MPHOSPH9: variants seen among roughly 807,000 people sequenced by gnomAD.
MPHOSPH9 encodes M-phase phosphoprotein 9.
In MPHOSPH9, 88 loss-of-function variants were observed where a neutral mutation model predicts 145.5. That is an observed-to-expected ratio of 0.60 (90% CI 0.51 to 0.72). MPHOSPH9 has a LOEUF of 0.72. Ranked by LOEUF, MPHOSPH9 falls within the 30% of genes least tolerant of loss-of-function variation. MPHOSPH9 has a pLI of 0.00. For synonymous variants in MPHOSPH9, 435 were observed against 486.2 expected (o/e 0.89, Z 1.39); for missense variants, 1,238 against 1,386.6 (o/e 0.89, Z 1.70).
intron 8 of MPHOSPH9, 88 bp downstream of exon 8, chr12:123,209,968 C>T (rs1020108742): frequency 1.7e-5 from 13 of 758,126 alleles, no homozygotes; most frequent in African/African-American, 1.6e-4. Flanking sequence ...GATCTCCTGA[C>T]CTCATGATCC....
At chr12:123,225,337 G>A (rs1221638579) in intron 3 of MPHOSPH9, among the ~76,000 whole-genome samples, 1 of 150,948 alleles carries the variant, frequency 6.6e-6, no homozygotes, top group Non-Finnish European at 1.5e-5. Context: ...CCAGCTACTT[G>A]GGAAGCTGAG....
At position 123,166,877 on chromosome 12, in the gene MPHOSPH9, G is replaced by C. The variant is rs187054318; in HGVS notation, c.2457-88C>G. ...ATATAAAACAATCTGCTCTCAAACA[G>C]TATTTACACATTTGTACACTAATTT... On this transcript the variant is annotated intron_variant, in intron 16 of 23. Transcript: ENST00000606320. 974 of 1,341,160 alleles carry C rather than the reference G, an allele frequency of 7.3e-4. 1 individual carries two copies. Among genetic ancestry groups the C allele is most frequent in the Middle Eastern group, 2.1e-3 (11 of 5,242 alleles). The allele number at this position is 1,341,160 out of a possible 1,614,324, so 83.1% of individuals were successfully genotyped here.
At chr12:123,204,290 G>A (rs1250060880) in intron 8 of MPHOSPH9, among the ~76,000 whole-genome samples, 1 of 130,948 alleles carries the variant, frequency 7.6e-6, no homozygotes, top group African/African-American at 2.6e-5. Flanking sequence ...CAACAAGAGC[G>A]AAACTCCGTC....
chr12:123,203,728 G>A (rs1429172609), intron 8 of MPHOSPH9, among the ~76,000 whole-genome samples: 1 of 152,170 alleles, frequency 6.6e-6, no homozygotes, highest in African/African-American at 2.4e-5. Context: ...CTGTTGCCCA[G>A]GCTGGAGTGC....
chr12:123,155,907 T>C lies in MPHOSPH9; in HGVS notation c.*900A>G, dbSNP rs2043849460. Reference sequence around the variant, plus strand: ...CACCTACAGTGGAAATATTTTCCTTTTGGCCAGGGTGAAGGAGTGGAAAGG... The same window carrying C: ...CACCTACAGTGGAAATATTTTCCTTCTGGCCAGGGTGAAGGAGTGGAAAGG... On this transcript the variant is annotated 3_prime_UTR_variant, in exon 24 of 24. Transcript: ENST00000606320. 1 of 152,308 alleles carries C rather than the reference T, an allele frequency of 6.6e-6. No individual in the cohort carries two copies. The highest frequency in any genetic ancestry group is 2.1e-4 in the South Asian group (1 of 4,832). The allele number at this position is 152,308 out of a possible 1,614,324, so 9.4% of individuals were successfully genotyped here. A position where few individuals can be genotyped will look rare whatever the true frequency, so the allele number is the denominator to read the frequency against.
chr12:123,212,711 CAAAAA>C (rs542748087), intron 7 of MPHOSPH9, among the ~76,000 whole-genome samples: 1 of 46,506 alleles, frequency 2.2e-5, no homozygotes, highest in African/African-American at 9.1e-5. Context: ...AACTCTGTCT[CAAAAA>C]AAAAAAAAAA....
rs1350610532 is a variant in MPHOSPH9, at chr12:123,207,671, T to C, written c.1194+2385A>G. Among the ~76,000 whole-genome samples, 8 of 152,040 alleles carry C rather than the reference T, an allele frequency of 5.3e-5. No homozygotes were observed. In the East Asian group the frequency reaches 1.2e-3, roughly 22 times the overall value. On this transcript the variant is annotated intron_variant, in intron 8 of 23. Transcript: ENST00000606320. ...GAGTTCGAGAGCAGCCTGGCCAACA[T>C]GGTGAAACCCTGTCTCTACACAAAT...
intron 13 of MPHOSPH9, among the ~76,000 whole-genome samples, chr12:123,193,145 ACACACG>A (rs1320618335): frequency 1.2e-4 from 17 of 144,280 alleles, no homozygotes; most frequent in Admixed American, 2.1e-4. Context: ...ACACACACAC[ACACACG>A]AACCACATGG....
rs2046064183 is a variant in MPHOSPH9 at position 123,198,312 on chromosome 12, A to G, written c.1960T>C (p.Leu654=). 6.2e-7 allele frequency: 1 copy of G among 1,612,272 alleles called. No individual in the cohort carries two copies. Among genetic ancestry groups the G allele is most frequent in the Non-Finnish European group, 8.5e-7 (1 of 1,179,018 alleles). ...VDRCGQLDSA[L]HEATSRVRTL... ...CTCACGCGACTAGTAGCTTCATGCA[A>G]AGCACTATCTAATTGGCCACATCTA... The change falls in exon 12 of 24, where the codon TTG becomes CTG. Residue 654 remains leucine, a synonymous_variant. Coordinates refer to ENST00000606320, the MANE Select transcript of MPHOSPH9 (RefSeq NM_022782.4).
rs1251817059 is a variant in MPHOSPH9 at position 123,179,715 on chromosome 12, T to C, written c.2354+211A>G. ...GGCAACATAGTGAGACCCTGTCTCT[T>C]TAAAAAAAAAAAAAAAAAAAGAGAG... is the stretch of plus-strand genomic sequence containing the variant. On this transcript the variant is annotated intron_variant, in intron 15 of 23. Transcript: ENST00000606320. Among the ~76,000 whole-genome samples, 7 of 104,988 alleles carry C rather than the reference T, an allele frequency of 6.7e-5. No individual in the cohort carries two copies. In the Admixed American group the frequency reaches 7.7e-4, roughly 12 times the overall value. The allele number at this position is 104,988 out of a possible 152,430, so 68.9% of individuals were successfully genotyped here. A position where few individuals can be genotyped will look rare whatever the true frequency, so the allele number is the denominator to read the frequency against.
At chr12:123,190,852 A>G (rs111799607) in intron 13 of MPHOSPH9, among the ~76,000 whole-genome samples, 69 of 152,322 alleles carry the variant, frequency 4.5e-4, no homozygotes, top group Non-Finnish European at 9.0e-4. Flanking sequence ...GGTATTTGTT[A>G]TATTACTCTC....
chr12:123,161,270 T>C lies in MPHOSPH9; in HGVS notation c.3247A>G (p.Lys1083Glu). The stretch of plus-strand genomic sequence containing the variant: ...TTACACTGTTCGTAGCTAACTGATT[T>C]ATTCTTCTCCCAGGCTGTTCTCACA... ...VSVRTAWEKN[K>E]SVSYEQCKPV... Residue 1083 changes from lysine to glutamate, a missense_variant, in exon 22 of 24, where the codon AAA (lysine) becomes GAA (glutamate). This residue lies in a region of MPHOSPH9 where 393 missense variants were observed against 462.5 expected (regional missense o/e 0.85). Transcript: ENST00000606320. 2 of 1,614,180 alleles carry C rather than the reference T, an allele frequency of 1.2e-6. No individual in the cohort carries two copies. Among genetic ancestry groups the C allele is most frequent in the Non-Finnish European group, 1.7e-6 (2 of 1,180,008 alleles).
intron 6 of MPHOSPH9, among the ~76,000 whole-genome samples, chr12:123,215,267 C>T (rs890235658): frequency 1.1e-4 from 16 of 151,792 alleles, no homozygotes; most frequent in Non-Finnish European, 2.4e-4. Context: ...AGCCTGATTT[C>T]CCCATGGTTA....
chr12:123,207,316 C>T (rs1001635152), intron 8 of MPHOSPH9, among the ~76,000 whole-genome samples: 1 of 152,054 alleles, frequency 6.6e-6, no homozygotes, highest in Admixed American at 6.6e-5. Flanking sequence ...AATTGCAAAG[C>T]CTACTAAGCC....
chr12:123,161,827 C>G (rs2044121496), intron 21 of MPHOSPH9, among the ~76,000 whole-genome samples: 1 of 152,062 alleles, frequency 6.6e-6, no homozygotes, highest in African/African-American at 2.4e-5. Context: ...AAAAAAGTTA[C>G]CCAAAGCCTA....
chr12:123,237,830 C>T (rs1048425948), upstream of MPHOSPH9, among the ~76,000 whole-genome samples: 1 of 152,120 alleles, frequency 6.6e-6, no homozygotes, highest in Admixed American at 6.6e-5. Flanking sequence ...GATGAGCTAA[C>T]AGGAGGATGT....
At chr12:123,226,160 G>A (rs923218693) in intron 3 of MPHOSPH9, 9 of 186,914 alleles carry the variant, frequency 4.8e-5, no homozygotes, top group African/African-American at 7.1e-5. Context: ...GGTCTTTCAC[G>A]TTAGTGCATA....
intron 3 of MPHOSPH9, among the ~76,000 whole-genome samples, chr12:123,227,034 T>C (rs1016278932): frequency 2.7e-4 from 41 of 152,236 alleles, no homozygotes; most frequent in Middle Eastern, 6.3e-3. Flanking sequence ...ATGCAATGTA[T>C]CACAGCTGAA....
At chr12:123,243,929 T>G (rs1199711320) in exon 1 of MPHOSPH9, 1 of 152,186 alleles carries the variant, frequency 6.6e-6, no homozygotes, top group Non-Finnish European at 1.5e-5. Context: ...CACAGTGGGC[T>G]CAAGAGACAG....
Sources: gnomAD v4.1 joint callset for allele counts (sites outside exome capture counted in the v4.1 genomes callset) on GRCh38, gnomAD v4.1.1 for gene constraint, gnomAD v4.1.1 regional missense constraint, MANE v1.5 for transcripts, NCBI Gene and HGNC (gene_info 2026-07-23, HGNC 2026-07-21) for gene names.